The following PTPRG variants were observed in gnomAD, a reference collection of about 807,000 sequenced individuals.
The protein encoded by PTPRG is protein tyrosine phosphatase receptor type G, also known as receptor-type tyrosine-protein phosphatase gamma.
In PTPRG, 102 loss-of-function variants were observed where a neutral mutation model predicts 165.3. The observed-to-expected ratio is 0.62, with a 90% CI of 0.53 to 0.73. The LOEUF is 0.73. PTPRG is among the 30% of genes least tolerant of loss of function. PTPRG has a pLI of 0.00. For synonymous variants in PTPRG, 675 were observed against 669.5 expected (o/e 1.01, Z -0.13); for missense variants, 1,866 against 1,861.4 (o/e 1.00, Z -0.05).
rs202076080 is a variant in PTPRG at position 61,874,031 on chromosome 3, TG to T, written c.191-115592del. On this transcript the variant is annotated intron_variant, in intron 2 of 29. Coordinates refer to ENST00000474889, the MANE Select transcript of PTPRG (RefSeq NM_002841.4). ...GTTTTTGTATTATTATAGTTTGATA[TG>T]GAAGAAGGAACTGTAAAATGCAGTT... 3.0e-3 allele frequency among the ~76,000 whole-genome samples: 458 copies of T among 152,294 alleles called. 1 individual carries two copies. The highest frequency in any genetic ancestry group is 0.01 in the African/African-American group (432 of 41,560).
At chr3:61,618,299 T>TACCATTAAGTTTATA (rs1575541418) in intron 1 of PTPRG, among the ~76,000 whole-genome samples, 2 of 152,238 alleles carry the variant, frequency 1.3e-5, no homozygotes, top group East Asian at 3.8e-4. Context: ...TGAAGTTATA[T>TACCATTAAGTTTATA]CCATTAAGAA....
chr3:61,767,497 A>G (rs2034063116), intron 2 of PTPRG, among the ~76,000 whole-genome samples: 1 of 152,214 alleles, frequency 6.6e-6, no homozygotes, highest in African/African-American at 2.4e-5. Flanking sequence ...TATGTTTTAC[A>G]GGATATTAAA....
intron 2 of PTPRG, among the ~76,000 whole-genome samples, chr3:61,826,772 A>G (rs1293331563): frequency 1.3e-5 from 2 of 151,860 alleles, no homozygotes; most frequent in Non-Finnish European, 2.9e-5. Context: ...GTGAAGTATC[A>G]TAGGTCTAGA....
intron 1 of PTPRG, among the ~76,000 whole-genome samples, chr3:61,706,199 C>T (rs554582942): frequency 3.3e-5 from 5 of 151,688 alleles, no homozygotes; most frequent in African/African-American, 4.9e-5. Context: ...CCCAGAAATA[C>T]CCTGGGGGGG....
At chr3:61,773,495 T>A (rs961509865) in intron 2 of PTPRG, among the ~76,000 whole-genome samples, 2 of 152,150 alleles carry the variant, frequency 1.3e-5, no homozygotes, top group Non-Finnish European at 1.5e-5. Flanking sequence ...AAAAGACTTT[T>A]GGGATTGGAC....
chr3:62,049,442 C>A (rs1700401289), intron 4 of PTPRG, among the ~76,000 whole-genome samples: 1 of 152,162 alleles, frequency 6.6e-6, no homozygotes, highest in South Asian at 2.1e-4. Flanking sequence ...TGAAATATTT[C>A]ATTTGCATTG....
At chr3:62,025,411 A>T (rs1403497300) in intron 4 of PTPRG, among the ~76,000 whole-genome samples, 2 of 152,110 alleles carry the variant, frequency 1.3e-5, no homozygotes, top group African/African-American at 4.8e-5. Flanking sequence ...TTTGTTTGGA[A>T]TTTTCAATTA....
intron 1 of PTPRG, among the ~76,000 whole-genome samples, chr3:61,656,858 C>T (rs888487238): frequency 4.6e-5 from 7 of 152,238 alleles, no homozygotes; most frequent in Admixed American, 1.3e-4. Flanking sequence ...AGCCATATGC[C>T]GGGCCCCTTT....
chr3:61,875,832 G>T (rs1316488980), intron 2 of PTPRG, among the ~76,000 whole-genome samples: 1 of 152,136 alleles, frequency 6.6e-6, no homozygotes, highest in Non-Finnish European at 1.5e-5. Flanking sequence ...GAATGAAGAT[G>T]AGGTATAGGC....
At chr3:62,136,773 C>T (rs1297504431) in intron 6 of PTPRG, among the ~76,000 whole-genome samples, 2 of 152,204 alleles carry the variant, frequency 1.3e-5, no homozygotes, top group Non-Finnish European at 1.5e-5. Flanking sequence ...GTGAGACATG[C>T]CTTTCACCTT....
At position 61,562,380 on chromosome 3, in the gene PTPRG, C is replaced by T. The variant is rs988150801; in HGVS notation, c.85+8C>T. 6 of 1,613,034 alleles carry T rather than the reference C, an allele frequency of 3.7e-6. No individual in the cohort carries two copies. The highest frequency in any genetic ancestry group is 4.2e-6 in the Non-Finnish European group (5 of 1,179,338). On this transcript the variant is annotated splice_region_variant and intron_variant, in intron 1 of 29. Transcript: ENST00000474889. The stretch of plus-strand genomic sequence containing the variant: ...ATGTCGTGTGCTTCCCCGGTGAGTG[C>T]CGGCCGCCGAGGGGATGCGGCCCCG...
At chr3:61,633,881 C>T (rs1007040968) in intron 1 of PTPRG, among the ~76,000 whole-genome samples, 5 of 150,712 alleles carry the variant, frequency 3.3e-5, no homozygotes, top group Non-Finnish European at 7.4e-5. Flanking sequence ...CTCTGTTATT[C>T]CTAGTTTGTC....
chr3:61,740,759 T>C (rs1322452978), intron 1 of PTPRG, among the ~76,000 whole-genome samples: 1 of 152,222 alleles, frequency 6.6e-6, no homozygotes, highest in African/African-American at 2.4e-5. Context: ...AAAAACATCA[T>C]GGCTCTATAT....
intron 4 of PTPRG, among the ~76,000 whole-genome samples, chr3:62,015,305 G>A (rs999727946): frequency 6.6e-6 from 1 of 152,134 alleles, no homozygotes; most frequent in African/African-American, 2.4e-5. Context: ...ACCCGGGGCT[G>A]CTGAAACAGC....
rs184178438 is a variant in PTPRG, at chr3:62,228,881, A to G, written c.2289-2344A>G. Among the ~76,000 whole-genome samples the G allele has an allele frequency of 1.1e-4, 16 of 152,340 alleles. No homozygotes were observed. The highest frequency in any genetic ancestry group is 2.1e-4 in the Non-Finnish European group (14 of 68,028). ...TTTTTGGTGGGTTTGTGTGATCACC[A>G]TCTTTTCTACCAACAGACCATTTAC... is the stretch of plus-strand genomic sequence containing the variant. On this transcript the variant is annotated intron_variant, in intron 13 of 29. Coordinates refer to ENST00000474889, the MANE Select transcript of PTPRG (RefSeq NM_002841.4). The surrounding 1 kb of genome is among the most constrained non-coding windows in gnomAD (Gnocchi z 4.1).
chr3:61,870,776 T>A (rs1355274999), intron 2 of PTPRG, among the ~76,000 whole-genome samples: 1 of 151,964 alleles, frequency 6.6e-6, no homozygotes, highest in Non-Finnish European at 1.5e-5. Context: ...AAAGTTCTAT[T>A]GAAATGTTGA....
chr3:61,650,270 T>G (rs568772230), intron 1 of PTPRG, among the ~76,000 whole-genome samples: 1 of 152,218 alleles, frequency 6.6e-6, no homozygotes. Flanking sequence ...CCATGTACCT[T>G]GATCCTAAAA....
At position 61,707,486 on chromosome 3, in the gene PTPRG, A is replaced by G. The variant is rs74775827; in HGVS notation, c.86-41392A>G. 1.5e-3 allele frequency among the ~76,000 whole-genome samples: 232 copies of G among 152,310 alleles called. 1 individual carries two copies. Among genetic ancestry groups the G allele is most frequent in the African/African-American group, 5.0e-3 (209 of 41,576 alleles). ...TTTTTTCTATTTCAGTCCAAAGGCA[A>G]GAAACAAATGTGGCCCTAGCTTTAA... On this transcript the variant is annotated intron_variant, in intron 1 of 29. Coordinates refer to ENST00000474889, the MANE Select transcript of PTPRG (RefSeq NM_002841.4).
At chr3:61,952,447 C>G (rs1381802125) in intron 2 of PTPRG, among the ~76,000 whole-genome samples, 1 of 152,168 alleles carries the variant, frequency 6.6e-6, no homozygotes. Context: ...AAGGATCTAT[C>G]TGCAGGCCCC....
Sources: gnomAD v4.1 joint callset for allele counts (sites outside exome capture counted in the v4.1 genomes callset) on GRCh38, gnomAD v4.1.1 for gene constraint, Gnocchi (gnomAD v3.1) non-coding constraint, MANE v1.5 for transcripts, NCBI Gene and HGNC (gene_info 2026-07-23, HGNC 2026-07-21) for gene names.